PPIL6: variants seen among roughly 807,000 people sequenced by gnomAD.
PPIL6 encodes the protein peptidylprolyl isomerase like 6, also known as probable inactive peptidyl-prolyl cis-trans isomerase-like 6.
Under a neutral mutation model 36.8 loss-of-function variants are expected in PPIL6, and 39 were observed. The ratio of observed to expected loss-of-function variants is 1.06; its 90% confidence interval spans 0.82 to 1.38. The LOEUF (loss-of-function observed/expected upper bound fraction) is 1.38. PPIL6 is among the 40% of genes most tolerant of loss of function. The pLI is 0.00. For synonymous variants in PPIL6, 123 were observed against 134.1 expected (o/e 0.92, Z 0.57); for missense variants, 368 against 379.1 (o/e 0.97, Z 0.24).
intron 6 of PPIL6, 110 bp downstream of exon 6, chr6:109,419,077 C>G: frequency 1.3e-6 from 1 of 748,704 alleles, no homozygotes; most frequent in East Asian, 2.5e-5. Flanking sequence ...CTTGCTTGTA[C>G]TGTAAGTATT....
chr6:109,429,475 C>T lies in PPIL6; in HGVS notation c.420+1682G>A, dbSNP rs556410370. 4.6e-5 allele frequency among the ~76,000 whole-genome samples: 7 copies of T among 152,078 alleles called. No homozygotes were observed. The South Asian group carries it at 1.5e-3, about 32-fold the overall frequency. On this transcript the variant is annotated intron_variant, in intron 3 of 7. Transcript: ENST00000521072. ...TTTTTCCTAATTAAAATCTGAGTACCCTTCCTATCTGGGGAACTCCTCACA... is the reference window on the plus strand; with the variant it reads ...TTTTTCCTAATTAAAATCTGAGTACTCTTCCTATCTGGGGAACTCCTCACA...
At chr6:109,440,384 C>A (rs1253540610) in intron 1 of PPIL6, 72 bp downstream of exon 1, 4 of 1,499,078 alleles carry the variant, frequency 2.7e-6, no homozygotes, top group Middle Eastern at 1.8e-4. Context: ...GGAGGCGCGG[C>A]GCCTGCAGTC....
intron 1 of PPIL6, 183 bp downstream of exon 1, chr6:109,440,273 C>A: frequency 1.3e-6 from 1 of 756,216 alleles, no homozygotes; most frequent in Non-Finnish European, 2.2e-6. Context: ...CCCGCACTTG[C>A]CCCCCTATAC....
chr6:109,399,824 A>G (rs1461255809), intron 7 of PPIL6, among the ~76,000 whole-genome samples: 1 of 152,224 alleles, frequency 6.6e-6, no homozygotes, highest in East Asian at 1.9e-4. Flanking sequence ...TATATGCCTG[A>G]GCCACTGTGT....
intron 6 of PPIL6, among the ~76,000 whole-genome samples, chr6:109,417,636 T>C (rs929941102): frequency 2.6e-5 from 4 of 152,156 alleles, no homozygotes; most frequent in Admixed American, 6.5e-5. Context: ...GTTTAAAAAA[T>C]GCTGACAAAT....
At chr6:109,428,002 A>G (rs112059625) in intron 3 of PPIL6, among the ~76,000 whole-genome samples, 7 of 152,210 alleles carry the variant, frequency 4.6e-5, no homozygotes, top group African/African-American at 1.7e-4. Flanking sequence ...CCCTATATCC[A>G]TAGCAGGTGT....
chr6:109,415,357 G>A (rs1299119800), intron 6 of PPIL6, among the ~76,000 whole-genome samples: 1 of 152,136 alleles, frequency 6.6e-6, no homozygotes, highest in Non-Finnish European at 1.5e-5. Flanking sequence ...AGATTGTCTA[G>A]TGTCAGTTTG....
At chr6:109,407,218 A>T (rs1027302885) in intron 6 of PPIL6, among the ~76,000 whole-genome samples, 9 of 151,760 alleles carry the variant, frequency 5.9e-5, no homozygotes, top group Non-Finnish European at 1.3e-4. Context: ...GTTTAAAGTC[A>T]TGTTCAGGAC....
chr6:109,433,510 G>A (rs951746183), intron 2 of PPIL6, among the ~76,000 whole-genome samples: 5 of 152,192 alleles, frequency 3.3e-5, no homozygotes, highest in African/African-American at 7.2e-5. Flanking sequence ...AGGCGTGCTC[G>A]CCTGCCTCAT....
At chr6:109,412,110 C>G (rs1378409999) in intron 6 of PPIL6, among the ~76,000 whole-genome samples, 1 of 152,220 alleles carries the variant, frequency 6.6e-6, no homozygotes, top group Non-Finnish European at 1.5e-5. Flanking sequence ...CGAGGCAACA[C>G]CTGGGAGTTA....
Position 109,392,752 on chromosome 6 carries a change from C to G in PPIL6, c.*74G>C. On this transcript the variant is annotated 3_prime_UTR_variant, in exon 8 of 8. Coordinates refer to ENST00000521072, the MANE Select transcript of PPIL6 (RefSeq NM_173672.5). Reference sequence around the variant, plus strand: ...CTTTCAAATTACAATTTATCAAGTACTTTTTAATTAAATCCACAAACAGCT... The same window carrying G: ...CTTTCAAATTACAATTTATCAAGTAGTTTTTAATTAAATCCACAAACAGCT... 1 of 952,578 alleles carries G rather than the reference C, an allele frequency of 1.0e-6. No homozygotes were observed. Among genetic ancestry groups the G allele is most frequent in the Non-Finnish European group, 1.6e-6 (1 of 625,266 alleles). 59.0% of individuals were successfully genotyped at this position (952,578 alleles called of 1,614,324 possible). A position where few individuals can be genotyped will look rare whatever the true frequency, so the allele number is the denominator to read the frequency against.
chr6:109,394,108 T>C lies in PPIL6; in HGVS notation c.825-1171A>G, dbSNP rs139873961. Among the ~76,000 whole-genome samples, 1,153 of 152,264 alleles carry C rather than the reference T, an allele frequency of 7.6e-3. 13 individuals are homozygous for C. The highest frequency in any genetic ancestry group is 0.026 in the African/African-American group (1,065 of 41,558). ...AGTTTCGACTGGATGTGGTGACTCA[T>C]GCCTGTAATCCCAGCACTTTGGGAG... On this transcript the variant is annotated intron_variant, in intron 7 of 7. Transcript: ENST00000521072.
chr6:109,411,423 T>G (rs2115221813), intron 6 of PPIL6, among the ~76,000 whole-genome samples: 1 of 152,312 alleles, frequency 6.6e-6, no homozygotes, highest in Middle Eastern at 3.4e-3. Flanking sequence ...CTGAACATGG[T>G]GGAGTCTGTG....
chr6:109,407,812 C>T (rs1389536826), intron 6 of PPIL6, among the ~76,000 whole-genome samples: 1 of 152,084 alleles, frequency 6.6e-6, no homozygotes, highest in African/African-American at 2.4e-5. Context: ...ACTGCCCAAG[C>T]ATATCATCAT....
chr6:109,409,566 C>CA lies in PPIL6; in HGVS notation c.689-9397dup, dbSNP rs760716812. Among the ~76,000 whole-genome samples the CA allele has an allele frequency of 1.0e-2, 1,313 of 131,674 alleles. 7 individuals carry two copies. Among genetic ancestry groups the CA allele is most frequent in the Middle Eastern group, 0.032 (8 of 252 alleles). The allele number at this position is 131,674 out of a possible 152,430, so 86.4% of individuals were successfully genotyped here. ...GCGACAGTGTCGTGAGACTCCATCT[C>CA]AAAAAAAAAAAAGAAAGAGGTCAAA... On this transcript the variant is annotated intron_variant, in intron 6 of 7. Transcript: ENST00000521072.
chr6:109,432,677 G>C (rs1195508062), intron 2 of PPIL6, among the ~76,000 whole-genome samples: 1 of 152,012 alleles, frequency 6.6e-6, no homozygotes, highest in Non-Finnish European at 1.5e-5. Flanking sequence ...GCCTAGGCTG[G>C]TCCTGAATTC....
At chr6:109,435,086 G>A (rs1477246917) in intron 2 of PPIL6, among the ~76,000 whole-genome samples, 1 of 152,152 alleles carries the variant, frequency 6.6e-6, no homozygotes, top group Non-Finnish European at 1.5e-5. Context: ...AGAAGCCCCT[G>A]GCTGTCTCTG....
Position 109,392,016 on chromosome 6 carries a change from A to AT in PPIL6, c.*809dup, listed in dbSNP as rs1238085661. 1 of 152,190 alleles carries AT rather than the reference A, an allele frequency of 6.6e-6. No homozygotes were observed. Among genetic ancestry groups the AT allele is most frequent in the East Asian group, 1.9e-4 (1 of 5,196 alleles). The allele number at this position is 152,190 out of a possible 1,614,324, so 9.4% of individuals were successfully genotyped here. ...TATCAGGTGTGTTGCTAAATTAAGA[A>AT]TTTTTTGTCCACAAGTAACAAAATT... On this transcript the variant is annotated 3_prime_UTR_variant, in exon 8 of 8. Coordinates refer to ENST00000521072, the MANE Select transcript of PPIL6 (RefSeq NM_173672.5).
At chr6:109,434,253 G>A (rs968129524) in intron 2 of PPIL6, among the ~76,000 whole-genome samples, 6 of 152,048 alleles carry the variant, frequency 3.9e-5, no homozygotes, top group Non-Finnish European at 7.4e-5. Context: ...GTTGTTGGAA[G>A]GATTATAATT....
Sources: allele counts gnomAD v4.1 joint callset (sites outside exome capture counted in the v4.1 genomes callset), GRCh38; gene constraint gnomAD v4.1.1; transcripts MANE v1.5; gene names NCBI Gene and HGNC (gene_info 2026-07-23, HGNC 2026-07-21).